The following SV2C variants were observed in gnomAD, a reference collection of about 807,000 sequenced individuals.
SV2C encodes the protein solute carrier family 22 member B3.
SV2C carries 49 observed loss-of-function variants against 79.7 expected under a neutral mutation model. That is an observed-to-expected ratio of 0.61 (90% CI 0.49 to 0.78). The LOEUF (loss-of-function observed/expected upper bound fraction) is 0.78. Ranked by LOEUF, SV2C falls within the 30% of genes least tolerant of loss-of-function variation. The pLI, the probability that SV2C is intolerant of heterozygous loss-of-function variation, is 0.00. For missense variants in SV2C, 833 were observed against 912.9 expected (o/e 0.91, Z 1.13); for synonymous variants, 334 against 333.2 (o/e 1.00, Z -0.03).
chr5:76,187,980 C>T (rs564963307), intron 2 of SV2C, among the ~76,000 whole-genome samples: 2 of 152,160 alleles, frequency 1.3e-5, no homozygotes, highest in East Asian at 1.9e-4. Flanking sequence ...AATTGTTGGT[C>T]GGGTGCAGTG....
At chr5:76,225,179 A>G (rs1417462751) in intron 4 of SV2C, among the ~76,000 whole-genome samples, 1 of 152,230 alleles carries the variant, frequency 6.6e-6, no homozygotes, top group Non-Finnish European at 1.5e-5. Context: ...TGAAAGCTTG[A>G]CAGGGAATCT....
chr5:76,145,068 T>C (rs1749376724), intron 2 of SV2C, among the ~76,000 whole-genome samples: 1 of 152,208 alleles, frequency 6.6e-6, no homozygotes, highest in Non-Finnish European at 1.5e-5. Flanking sequence ...ATTACCTCCA[T>C]ACTGGGAGGG....
At chr5:76,344,976 C>T (rs1204273283) in intron 12 of SV2C, among the ~76,000 whole-genome samples, 3 of 152,166 alleles carry the variant, frequency 2.0e-5, no homozygotes, top group Admixed American at 1.3e-4. Context: ...GTTGTTCAAT[C>T]TTATTCTAAC....
chr5:76,163,049 A>T (rs1742940640), intron 2 of SV2C, among the ~76,000 whole-genome samples: 1 of 152,160 alleles, frequency 6.6e-6, no homozygotes, highest in African/African-American at 2.4e-5. Flanking sequence ...TCTGCCTTGG[A>T]CACCTCCAAA....
the SV2C span, among the ~76,000 whole-genome samples, chr5:76,008,974 T>TC: frequency 1.8e-4 from 28 of 152,180 alleles, no homozygotes; most frequent in Non-Finnish European, 3.2e-4. Flanking sequence ...TAGAACGCTG[T>TC]CCCCCAGAGA....
the SV2C span, among the ~76,000 whole-genome samples, chr5:75,915,303 A>G: frequency 1.3e-5 from 2 of 152,204 alleles, no homozygotes; most frequent in African/African-American, 2.4e-5. Flanking sequence ...ACTCCTAATC[A>G]TGACACCATG....
intron 2 of SV2C, among the ~76,000 whole-genome samples, chr5:76,183,281 T>C (rs982662998): frequency 1.3e-5 from 2 of 151,802 alleles, no homozygotes; most frequent in African/African-American, 4.8e-5. Context: ...CGCCTTGGTC[T>C]CCCAAAGTGC....
the SV2C span, among the ~76,000 whole-genome samples, chr5:76,048,292 C>T: frequency 6.6e-6 from 1 of 152,172 alleles, no homozygotes; most frequent in African/African-American, 2.4e-5. Context: ...GAACCAAGAG[C>T]ACCGATGTCC....
At chr5:75,953,662 A>C in the SV2C span, among the ~76,000 whole-genome samples, 1 of 151,946 alleles carries the variant, frequency 6.6e-6, no homozygotes, top group African/African-American at 2.4e-5. Flanking sequence ...ATCCAGAAGC[A>C]ATGACTGATG....
At chr5:76,065,811 A>T in the SV2C span, among the ~76,000 whole-genome samples, 1 of 152,176 alleles carries the variant, frequency 6.6e-6, no homozygotes, top group East Asian at 1.9e-4. Flanking sequence ...GATATTTAAG[A>T]TATTTCCAGT....
At chr5:76,147,360 G>A (rs896472233) in intron 2 of SV2C, among the ~76,000 whole-genome samples, 4 of 152,214 alleles carry the variant, frequency 2.6e-5, no homozygotes, top group African/African-American at 4.8e-5. Context: ...AGTACATCCT[G>A]TGTGTATATG....
chr5:76,323,510 A>G (rs775971286), intron 12 of SV2C, among the ~76,000 whole-genome samples: 3 of 152,232 alleles, frequency 2.0e-5, no homozygotes, highest in Non-Finnish European at 2.9e-5. Flanking sequence ...CAGAAATACC[A>G]TTTGACCCAG....
chr5:76,353,480 T>G (rs1413026256), exon 13 of SV2C: 1 of 156,072 alleles, frequency 6.4e-6, no homozygotes, highest in African/African-American at 2.4e-5. Context: ...GCAGGAGCCA[T>G]TAGTGGGTGT....
the SV2C span, among the ~76,000 whole-genome samples, chr5:75,849,998 T>C: frequency 6.6e-6 from 1 of 152,230 alleles, no homozygotes; most frequent in African/African-American, 2.4e-5. Context: ...AATGGTTTTC[T>C]GAAGTAAGAA....
At chr5:76,051,943 G>A in the SV2C span, among the ~76,000 whole-genome samples, 1 of 152,164 alleles carries the variant, frequency 6.6e-6, no homozygotes, top group Non-Finnish European at 1.5e-5. Flanking sequence ...ATTCTCTGCA[G>A]AGTAATAGAT....
chr5:76,141,107 C>T (rs947696345), intron 2 of SV2C, among the ~76,000 whole-genome samples: 5 of 152,114 alleles, frequency 3.3e-5, no homozygotes, highest in South Asian at 2.1e-4. Context: ...TTCTGACATC[C>T]GAGTGGAGGT....
At position 76,197,519 on chromosome 5, in the gene SV2C, G is replaced by A. The variant is rs755282352; in HGVS notation, c.761+2420G>A. The stretch of plus-strand genomic sequence containing the variant: ...CCTAGGCTGGGGACAGGGCTGAGGG[G>A]GGAGTCATGTGAGCTTAGTTACCTT... On this transcript the variant is annotated intron_variant, in intron 3 of 12. Coordinates refer to ENST00000502798, the MANE Select transcript of SV2C (RefSeq NM_014979.4). Among the ~76,000 whole-genome samples the A allele has an allele frequency of 2.6e-5, 4 of 152,196 alleles. No individual in the cohort carries two copies. In the South Asian group the frequency reaches 6.2e-4, roughly 24 times the overall value.
At chr5:76,146,631 G>T (rs1749431467) in intron 2 of SV2C, among the ~76,000 whole-genome samples, 2 of 151,936 alleles carry the variant, frequency 1.3e-5, no homozygotes, top group Non-Finnish European at 2.9e-5. Context: ...ATCTTATCCT[G>T]TTACTTAGAA....
intron 1 of SV2C, among the ~76,000 whole-genome samples, chr5:76,130,114 C>G (rs148591715): frequency 2.9e-3 from 378 of 129,346 alleles, no homozygotes; most frequent in Non-Finnish European, 3.7e-3. Flanking sequence ...TCCCATGTCT[C>G]TCTTCCTCCC....
Sources: gnomAD v4.1 joint callset for allele counts (sites outside exome capture counted in the v4.1 genomes callset) on GRCh38, gnomAD v4.1.1 for gene constraint, MANE v1.5 for transcripts, NCBI Gene and HGNC (gene_info 2026-07-23, HGNC 2026-07-21) for gene names.